SLC35B1: variants seen among roughly 807,000 people sequenced by gnomAD.
The protein encoded by SLC35B1 is ATP/ADP exchanger ER.
In SLC35B1, 27 loss-of-function variants were observed where a neutral mutation model predicts 36.6. The ratio of observed to expected loss-of-function variants is 0.74; its 90% CI spans 0.54 to 1.02. SLC35B1 has a LOEUF of 1.02. Among genes scored for constraint, SLC35B1 ranks in the 50% least tolerant of loss-of-function variants. The pLI, the probability that SLC35B1 is intolerant of heterozygous loss-of-function variation, is 0.00. For missense variants in SLC35B1, 321 were observed against 383.2 expected (o/e 0.84, Z 1.35); for synonymous variants, 162 against 152.5 (o/e 1.06, Z -0.46).
chr17:49,701,084 GA>G lies in SLC35B1; in HGVS notation c.*373del, dbSNP rs2073346484. ...GGGACAAGCCTCACCCATCGGAACA[GA>G]AGCCATTAGCACAATTCTGCGATCT... On this transcript the variant is annotated 3_prime_UTR_variant, in exon 9 of 9. Transcript: ENST00000240333. 1.6e-5 allele frequency: 3 copies of G among 184,046 alleles called. No individual in the cohort carries two copies. The South Asian group carries it at 3.7e-4, about 23-fold the overall frequency. The allele number at this position is 184,046 out of a possible 1,614,324, so 11.4% of individuals were successfully genotyped here. A position where few individuals can be genotyped will look rare whatever the true frequency, so the allele number is the denominator to read the frequency against.
chr17:49,705,452 G>A, intron 4 of SLC35B1, 171 bp from the exon 5 acceptor site: 1 of 654,732 alleles, frequency 1.5e-6, no homozygotes, highest in Non-Finnish European at 2.6e-6. Context: ...TAAGGATTGA[G>A]CAACAGGGTT....
chr17:49,703,512 G>T (rs2073378605), intron 6 of SLC35B1: 3 of 482,512 alleles, frequency 6.2e-6, no homozygotes, highest in South Asian at 2.1e-5. Flanking sequence ...AGAGAATTTT[G>T]TGAGAAAGGC....
Position 49,707,875 on chromosome 17 carries a change from G to T in SLC35B1, c.-42C>A, listed in dbSNP as rs762757375. On this transcript the variant is annotated 5_prime_UTR_variant, in exon 1 of 9. It introduces an in-frame stop codon into an upstream open reading frame of the 5' UTR. Transcript: ENST00000240333. ...CCGACTGGAGACCCGCTCACAACCG[G>T]CACCGGCAGCAGCGGCGGCGGAGGC... is the stretch of plus-strand genomic sequence containing the variant. The T allele has an allele frequency of 1.2e-6, 2 of 1,607,576 alleles. No homozygotes were observed. Among genetic ancestry groups the T allele is most frequent in the South Asian group, 2.2e-5 (2 of 90,614 alleles).
chr17:49,707,504 A>G, intron 1 of SLC35B1: 1 of 1,477,314 alleles, frequency 6.8e-7, no homozygotes, highest in Non-Finnish European at 9.0e-7. Context: ...CAAGCGGGGA[A>G]AAACAGCTAA....
intron 1 of SLC35B1, chr17:49,707,409 G>A (rs1281579014): frequency 5.6e-6 from 8 of 1,439,066 alleles, no homozygotes; most frequent in Non-Finnish European, 7.4e-6. Flanking sequence ...TTGTTTGCAA[G>A]CATCTGGGAG....
At chr17:49,704,071 A>G (rs1278753212) in intron 6 of SLC35B1, 29 bp downstream of exon 6, 2 of 1,613,770 alleles carry the variant, frequency 1.2e-6, no homozygotes, top group South Asian at 1.1e-5. Flanking sequence ...CTGGTGATAC[A>G]TGGGAAGAAC....
chr17:49,708,060 A>G (rs1371444181), upstream of SLC35B1: 4 of 929,238 alleles, frequency 4.3e-6, no homozygotes, highest in Non-Finnish European at 6.6e-6. Flanking sequence ...CTAGGAAAGA[A>G]AACCCGCCCT....
At chr17:49,707,431 G>A in intron 1 of SLC35B1, 1 of 1,453,560 alleles carries the variant, frequency 6.9e-7, no homozygotes. Flanking sequence ...ACCAAAAGGG[G>A]GCCGACTCGG....
intron 6 of SLC35B1, 180 bp from the exon 7 acceptor site, chr17:49,703,474 C>T (rs930205502): frequency 3.6e-6 from 2 of 551,456 alleles, no homozygotes; most frequent in African/African-American, 3.8e-5. Context: ...TGATTCTTCT[C>T]ATATTTTTCT....
chr17:49,703,710 T>G (rs1405984716), intron 6 of SLC35B1: 1 of 318,316 alleles, frequency 3.1e-6, no homozygotes, highest in Non-Finnish European at 6.1e-6. Flanking sequence ...TGCCCAAATT[T>G]GAAAAGTTAG....
intron 4 of SLC35B1, 147 bp from the exon 5 acceptor site, chr17:49,705,428 G>A: frequency 1.3e-6 from 1 of 772,142 alleles, no homozygotes; most frequent in Non-Finnish European, 2.0e-6. Context: ...GAGGGTGCCA[G>A]GCTGGCACCT....
chr17:49,701,447 T>A lies in SLC35B1; in HGVS notation c.*11A>T, dbSNP rs760663893. 8 of 1,606,810 alleles carry A rather than the reference T, an allele frequency of 5.0e-6. No individual in the cohort carries two copies. In the South Asian group the frequency reaches 8.8e-5, roughly 18 times the overall value. On this transcript the variant is annotated 3_prime_UTR_variant, in exon 9 of 9. Transcript: ENST00000240333. ...TTAAATATTCTTGATGTGGAGGTAG[T>A]CTCTCTCTTCCTAGTGGGATGTCTT...
At position 49,707,844 on chromosome 17, in the gene SLC35B1, G is replaced by A. The variant is rs778214138; in HGVS notation, c.-11C>T. 6.2e-7 allele frequency: 1 copy of A among 1,611,510 alleles called. No homozygotes were observed. On this transcript the variant is annotated 5_prime_UTR_variant, in exon 1 of 9. Transcript: ENST00000240333. ...GCTGCTAGAGGCCATGAGACGCCCA[G>A]AGGAGCCGACTGGAGACCCGCTCAC...
intron 3 of SLC35B1, 153 bp from the exon 4 acceptor site, chr17:49,706,049 T>G (rs908331575): frequency 3.1e-6 from 4 of 1,281,058 alleles, no homozygotes; most frequent in Non-Finnish European, 4.3e-6. Flanking sequence ...CCACCACCAC[T>G]AAACGTAAGT....
At chr17:49,703,600 C>T (rs2073379427) in intron 6 of SLC35B1, 2 of 373,854 alleles carry the variant, frequency 5.3e-6, no homozygotes, top group South Asian at 4.7e-5. Context: ...CTGACCCACA[C>T]ATCCTTAGCT....
chr17:49,703,499 T>G (rs1354041272), intron 6 of SLC35B1: 1 of 501,742 alleles, frequency 2.0e-6, no homozygotes, highest in African/African-American at 1.9e-5. Context: ...TTAGAGAAAC[T>G]AAAGAGAATT....
chr17:49,705,736 G>A (rs1022978176), intron 4 of SLC35B1, 130 bp downstream of exon 4: 1 of 846,238 alleles, frequency 1.2e-6, no homozygotes, highest in East Asian at 2.4e-5. Flanking sequence ...GCAGCAGGGA[G>A]AGCTGGGGGA....
Position 49,704,168 on chromosome 17 carries a change from T to C in SLC35B1, c.587A>G (p.His196Arg), listed in dbSNP as rs1262178500. ...CATGTGGTTGGAGCCTGTTTGGTAA[T>C]GAGCCCGCATGTGGTCCTGGGAAAC... is the stretch of plus-strand genomic sequence containing the variant. ...TGVSQDHMRAHYQTGSNHMML... is the reference protein window; with the variant it reads ...TGVSQDHMRARYQTGSNHMML... The change falls in exon 6 of 9, where the codon CAT becomes CGT. Residue 196 changes from histidine (H) to arginine (R), a missense_variant. His to Arg is a conservative substitution (Grantham distance 29, BLOSUM62 0). Transcript: ENST00000240333. 5.6e-6 allele frequency: 9 copies of C among 1,614,110 alleles called. No individual in the cohort carries two copies. The highest frequency in any genetic ancestry group is 2.2e-5 in the East Asian group (1 of 44,872).
Position 49,705,732 on chromosome 17 carries a change from G to C in SLC35B1, c.370+134C>G, listed in dbSNP as rs1358442417. 3.6e-6 allele frequency: 3 copies of C among 825,972 alleles called. No individual in the cohort carries two copies. In the Admixed American group the frequency reaches 5.6e-5, roughly 16 times the overall value. The allele number at this position is 825,972 out of a possible 1,614,324, so 51.2% of individuals were successfully genotyped here. A position where few individuals can be genotyped will look rare whatever the true frequency, so the allele number is the denominator to read the frequency against. On this transcript the variant is annotated intron_variant, in intron 4 of 8. Transcript: ENST00000240333. The stretch of plus-strand genomic sequence containing the variant: ...GACACAGATGACAGGATGGGCAGCA[G>C]GGAGAGCTGGGGGAAAGTCCCTGGA...
Sources: gnomAD v4.1 joint callset for allele counts on GRCh38, gnomAD v4.1.1 for gene constraint, MANE v1.5 for transcripts, NCBI Gene and HGNC (gene_info 2026-07-23, HGNC 2026-07-21) for gene names.